FRMD4A: variants seen among roughly 807,000 people sequenced by gnomAD.
FRMD4A encodes the protein FERM domain containing 4A, also known as FERM domain-containing protein 4A.
In FRMD4A, 29 loss-of-function variants were observed where a neutral mutation model predicts 129.1. The observed-to-expected ratio is 0.22, with a 90% confidence interval of 0.17 to 0.31. The LOEUF (loss-of-function observed/expected upper bound fraction) is 0.31, where lower values mean the gene tolerates loss of function less well. FRMD4A is among the 10% of genes least tolerant of loss of function. The probability of loss-of-function intolerance (pLI) is 1.00; values close to 1 mark genes in which losing one functional copy is unlikely to be tolerated. For synonymous variants in FRMD4A, 634 were observed against 571.6 expected, an observed-to-expected ratio of 1.11 and a Z score of -1.56; for missense variants, 1,272 against 1,375.8, an observed-to-expected ratio of 0.92 and a Z score of 1.19.
At chr10:13,654,711 A>C in intron 22 of FRMD4A, 199 bp from the exon 23 acceptor site, 1 of 573,342 alleles carries the variant, frequency 1.7e-6, no homozygotes, top group Non-Finnish European at 3.1e-6. Flanking sequence ...TGCCCCCCCA[A>C]CCTCTGCATC....
intron 2 of FRMD4A, among the ~76,000 whole-genome samples, chr10:14,161,073 GC>G (rs1466938038): frequency 6.6e-6 from 1 of 152,062 alleles, no homozygotes; most frequent in Non-Finnish European, 1.5e-5. Flanking sequence ...TCCTGCCTCA[GC>G]CCCCCGAGTC....
intron 2 of FRMD4A, among the ~76,000 whole-genome samples, chr10:14,298,598 T>A (rs1387003858): frequency 1.3e-5 from 2 of 152,118 alleles, no homozygotes; most frequent in East Asian, 3.9e-4. Context: ...TTAAAAAAAA[T>A]TAATTTTCAG....
intron 13 of FRMD4A, 67 bp downstream of exon 13, chr10:13,706,970 A>G: frequency 1.2e-6 from 1 of 845,400 alleles, no homozygotes; most frequent in Middle Eastern, 2.5e-4. Context: ...CAGCCCCAAA[A>G]TAATATCCAT....
rs990842219 is a variant in FRMD4A at position 13,701,184 on chromosome 10, T to A, written c.975+156A>T. On this transcript the variant is annotated intron_variant, in intron 14 of 24. Coordinates refer to ENST00000357447, the MANE Select transcript of FRMD4A (RefSeq NM_018027.5). Reference sequence around the variant, plus strand: ...GTGCCCTCTTGAAGAGCTAGTCTCATCCCTCCCATCTGTAGCCCTAAGAGG... The same window carrying A: ...GTGCCCTCTTGAAGAGCTAGTCTCAACCCTCCCATCTGTAGCCCTAAGAGG... 2.4e-4 allele frequency among the ~76,000 whole-genome samples: 36 copies of A among 152,026 alleles called. 1 individual carries two copies. The highest frequency in any genetic ancestry group is 2.4e-3 in the Admixed American group (36 of 15,266).
intron 2 of FRMD4A, among the ~76,000 whole-genome samples, chr10:13,995,478 G>A (rs4750451): frequency 0.28 from 43,141 of 151,758 alleles, 7,203 homozygotes; most frequent in East Asian, 0.73. Flanking sequence ...CCAGCTGCTT[G>A]GGAGGCTGAG....
At chr10:13,839,923 C>T (rs1379024100) in intron 3 of FRMD4A, among the ~76,000 whole-genome samples, 1 of 152,200 alleles carries the variant, frequency 6.6e-6, no homozygotes, top group Non-Finnish European at 1.5e-5. Flanking sequence ...GCATGGACTT[C>T]CCAGGTGCAG....
intron 2 of FRMD4A, among the ~76,000 whole-genome samples, chr10:14,133,864 G>C (rs370760306): frequency 4.2e-4 from 64 of 152,332 alleles, no homozygotes; most frequent in African/African-American, 1.4e-3. Context: ...GGAATGAAAA[G>C]TTAGTCTCAC....
chr10:13,838,754 A>T (rs933776636), intron 3 of FRMD4A, among the ~76,000 whole-genome samples: 1 of 152,008 alleles, frequency 6.6e-6, no homozygotes, highest in Non-Finnish European at 1.5e-5. Flanking sequence ...CAGCCTCCCA[A>T]AGTGCTGAGA....
At position 14,330,700 on chromosome 10, in the gene FRMD4A, C is replaced by A; in HGVS notation, c.-185G>T. The A allele has an allele frequency of 2.5e-6, 1 of 398,856 alleles. No individual in the cohort carries two copies. The highest frequency in any genetic ancestry group is 4.4e-5 in the Admixed American group (1 of 22,802). 24.7% of individuals were successfully genotyped at this position (398,856 alleles called of 1,614,324 possible). A position where few individuals can be genotyped will look rare whatever the true frequency, so the allele number is the denominator to read the frequency against. ...ACAGCCGAGTCTGACCATGAGGCAC[C>A]AGGCAGTCACTGGAGATCAGCAAAT... On this transcript the variant is annotated 5_prime_UTR_variant, in exon 1 of 25. Transcript: ENST00000357447.
At chr10:13,660,790 C>T (rs960547085) in intron 19 of FRMD4A, among the ~76,000 whole-genome samples, 2 of 152,154 alleles carry the variant, frequency 1.3e-5, no homozygotes, top group African/African-American at 2.4e-5. Flanking sequence ...GGAAGAGATG[C>T]GTCACTTTTG....
At chr10:14,310,249 C>T (rs115473938) in intron 2 of FRMD4A, among the ~76,000 whole-genome samples, 1,786 of 152,290 alleles carry the variant, frequency 0.012, 28 homozygotes, top group African/African-American at 0.041. Context: ...CTTCACTGGC[C>T]TTCAACTTGC....
At chr10:14,057,633 C>T (rs969387873) in intron 2 of FRMD4A, among the ~76,000 whole-genome samples, 2 of 151,890 alleles carry the variant, frequency 1.3e-5, no homozygotes, top group East Asian at 1.9e-4. Flanking sequence ...TGCAATGGCG[C>T]GATCTCTGCT....
chr10:14,063,572 A>AC (rs1834916945), intron 2 of FRMD4A, among the ~76,000 whole-genome samples: 1 of 150,850 alleles, frequency 6.6e-6, no homozygotes, highest in Non-Finnish European at 1.5e-5. Context: ...AAAAAAAAAA[A>AC]GTCATATACT....
rs552637685 is a variant in FRMD4A at position 13,811,724 on chromosome 10, G to A, written c.112-816C>T. 9.2e-5 allele frequency among the ~76,000 whole-genome samples: 14 copies of A among 152,230 alleles called. No individual in the cohort carries two copies. The South Asian group carries it at 2.9e-3, about 32-fold the overall frequency. Reference sequence around the variant, plus strand: ...GAACACCAGGCACTGAAGTGGGGGAGGGAGGAAAGGCTGTCTGATGCGGAA... The same window carrying A: ...GAACACCAGGCACTGAAGTGGGGGAAGGAGGAAAGGCTGTCTGATGCGGAA... On this transcript the variant is annotated intron_variant, in intron 3 of 24. Coordinates refer to ENST00000357447, the MANE Select transcript of FRMD4A (RefSeq NM_018027.5).
intron 15 of FRMD4A, among the ~76,000 whole-genome samples, chr10:13,676,331 G>A (rs1050010304): frequency 2.6e-5 from 4 of 151,252 alleles, no homozygotes; most frequent in African/African-American, 7.3e-5. Context: ...GCACCATCTC[G>A]GCTCACTGCA....
intron 2 of FRMD4A, among the ~76,000 whole-genome samples, chr10:13,966,910 T>G (rs1417331722): frequency 6.6e-6 from 1 of 152,220 alleles, no homozygotes; most frequent in Non-Finnish European, 1.5e-5. Flanking sequence ...AGGAATGAAT[T>G]AATGGCATTC....
chr10:14,167,745 A>G, intron 2 of FRMD4A, among the ~76,000 whole-genome samples: 1 of 152,012 alleles, frequency 6.6e-6, no homozygotes, highest in Non-Finnish European at 1.5e-5. Context: ...TGTGGCATCC[A>G]TGCTGCCACA....
intron 2 of FRMD4A, among the ~76,000 whole-genome samples, chr10:14,006,876 T>C (rs1210023002): frequency 6.6e-6 from 1 of 152,118 alleles, no homozygotes; most frequent in African/African-American, 2.4e-5. Context: ...GATCTTGACA[T>C]TCAGAACAAG....
chr10:13,685,354 C>T lies in FRMD4A; in HGVS notation c.1117+8544G>A, dbSNP rs180974704. On this transcript the variant is annotated intron_variant, in intron 15 of 24. Coordinates refer to ENST00000357447, the MANE Select transcript of FRMD4A (RefSeq NM_018027.5). ...GGTGAAGAGTGCAAATGTAATTTAA[C>T]AGAGAGAGAGGAGAATGGAAAAAAA... 1.5e-4 allele frequency: 149 copies of T among 984,704 alleles called. No individual in the cohort carries two copies. In the African/African-American group the frequency reaches 2.5e-3, roughly 17 times the overall value. The allele number at this position is 984,704 out of a possible 1,614,324, so 61.0% of individuals were successfully genotyped here.
Sources: allele counts gnomAD v4.1 joint callset (sites outside exome capture counted in the v4.1 genomes callset), GRCh38; gene constraint gnomAD v4.1.1; transcripts MANE v1.5; gene names NCBI Gene and HGNC (gene_info 2026-07-23, HGNC 2026-07-21).